The following CDYL variants were observed in gnomAD, a reference collection of about 807,000 sequenced individuals.
CDYL encodes the protein chromodomain Y-like protein.
Under a neutral mutation model 47.3 loss-of-function variants are expected in CDYL, and 8 were observed. The observed-to-expected ratio is 0.17, with a 90% CI of 0.10 to 0.31. CDYL has a LOEUF of 0.31. Among genes scored for constraint, CDYL ranks in the 10% least tolerant of loss-of-function variants. The pLI, the probability that CDYL is intolerant of heterozygous loss-of-function variation, is 1.00. For synonymous variants in CDYL, 266 were observed against 265.0 expected, an observed-to-expected ratio of 1.00 and a Z score of -0.04; for missense variants, 471 against 701.4, an observed-to-expected ratio of 0.67 and a Z score of 3.71.
chr6:4,881,607 T>C (rs1761763980), intron 1 of CDYL, among the ~76,000 whole-genome samples: 1 of 152,248 alleles, frequency 6.6e-6, no homozygotes, highest in Non-Finnish European at 1.5e-5. Flanking sequence ...GTTTTCTTAT[T>C]TGTGCTATTG....
upstream of CDYL, among the ~76,000 whole-genome samples, chr6:4,771,623 T>C (rs892680711): frequency 2.6e-5 from 4 of 152,256 alleles, no homozygotes; most frequent in Non-Finnish European, 4.4e-5. Flanking sequence ...GGGATAATTC[T>C]GGGTTCCCCC....
intron 1 of CDYL, among the ~76,000 whole-genome samples, chr6:4,786,255 A>T (rs192025194): frequency 6.6e-6 from 1 of 152,242 alleles, no homozygotes. Flanking sequence ...TAGTCCATAC[A>T]ATTTTTGGGA....
chr6:4,741,936 C>T (rs187914848), intron 3 of CDYL, among the ~76,000 whole-genome samples: 1 of 152,098 alleles, frequency 6.6e-6, no homozygotes, highest in South Asian at 2.1e-4. Flanking sequence ...GTGATGTGCT[C>T]GATCATGTCT....
intron 2 of CDYL, among the ~76,000 whole-genome samples, chr6:4,903,510 A>G (rs1209958119): frequency 2.0e-5 from 3 of 152,220 alleles, no homozygotes; most frequent in Admixed American, 6.5e-5. Context: ...AAATCTACTT[A>G]AAGGGTTCAT....
chr6:4,931,792 G>T (rs1758040317), intron 2 of CDYL, among the ~76,000 whole-genome samples: 1 of 152,152 alleles, frequency 6.6e-6, no homozygotes, highest in Admixed American at 6.5e-5. Flanking sequence ...GACCTCACTG[G>T]CACGAGGAGC....
At chr6:4,930,687 T>G (rs1758007049) in intron 2 of CDYL, among the ~76,000 whole-genome samples, 1 of 152,244 alleles carries the variant, frequency 6.6e-6, no homozygotes, top group Non-Finnish European at 1.5e-5. Context: ...TTGCAGTTTT[T>G]GAAGCAGTGA....
chr6:4,900,402 C>T (rs76441862), intron 2 of CDYL, among the ~76,000 whole-genome samples: 3,602 of 152,206 alleles, frequency 0.024, 149 homozygotes, highest in African/African-American at 0.082. Flanking sequence ...CATTTTGCCT[C>T]ATTTACTTTC....
chr6:4,813,796 A>G (rs1759593765), intron 1 of CDYL, among the ~76,000 whole-genome samples: 1 of 152,140 alleles, frequency 6.6e-6, no homozygotes, highest in Non-Finnish European at 1.5e-5. Context: ...TTTTCAAGAC[A>G]GGATCTTGCT....
At chr6:4,763,614 G>A (rs886691146) in intron 3 of CDYL, among the ~76,000 whole-genome samples, 6 of 152,272 alleles carry the variant, frequency 3.9e-5, no homozygotes, top group Admixed American at 2.6e-4. Flanking sequence ...GGAATATATG[G>A]CTTTCCAGGT....
intron 3 of CDYL, among the ~76,000 whole-genome samples, chr6:4,749,717 C>T (rs2127419562): frequency 6.6e-6 from 1 of 152,172 alleles, no homozygotes; most frequent in Admixed American, 6.5e-5. Flanking sequence ...CATCGGAAAC[C>T]TAAGACATGG....
chr6:4,715,833 T>C, exon 2 of CDYL: 4 of 1,614,124 alleles, frequency 2.5e-6, no homozygotes, highest in Non-Finnish European at 3.4e-6. Context: ...GAAGAAAAAC[T>C]GGCAATACGA....
intron 1 of CDYL, among the ~76,000 whole-genome samples, chr6:4,828,163 T>C (rs1419589199): frequency 6.6e-6 from 1 of 152,124 alleles, no homozygotes; most frequent in Non-Finnish European, 1.5e-5. Context: ...CAGCTTTTAT[T>C]TATCTGGGAA....
At chr6:4,942,705 A>G (rs534701836) in intron 4 of CDYL, among the ~76,000 whole-genome samples, 2 of 152,350 alleles carry the variant, frequency 1.3e-5, no homozygotes, top group African/African-American at 4.8e-5. Context: ...GCTACCCTAC[A>G]TTGAAAAGCA....
At chr6:4,948,674 C>T (rs1290801971) in intron 5 of CDYL, among the ~76,000 whole-genome samples, 1 of 152,138 alleles carries the variant, frequency 6.6e-6, no homozygotes, top group African/African-American at 2.4e-5. Context: ...CTGCATGTAG[C>T]CCCCACAGGA....
chr6:4,768,834 G>A (rs9504247), intron 3 of CDYL, among the ~76,000 whole-genome samples: 32,670 of 152,064 alleles, frequency 0.21, 5,637 homozygotes, highest in African/African-American at 0.48. Context: ...GTCAACATCA[G>A]CAGTGAAGTC....
chr6:4,756,580 A>ATG (rs4053260), intron 3 of CDYL, among the ~76,000 whole-genome samples: 15,696 of 142,772 alleles, frequency 0.11, 856 homozygotes, highest in Non-Finnish European at 0.15. Context: ...TATCGTGTGT[A>ATG]TGTGTGTGTG....
At chr6:4,827,895 TC>T (rs1760023361) in intron 1 of CDYL, among the ~76,000 whole-genome samples, 1 of 152,202 alleles carries the variant, frequency 6.6e-6, no homozygotes, top group South Asian at 2.1e-4. Context: ...CCTTAAGTGA[TC>T]CGCCCACCTC....
intron 1 of CDYL, 37 bp downstream of exon 1, chr6:4,776,844 C>G (rs1184337397): frequency 3.8e-5 from 30 of 790,422 alleles, no homozygotes; most frequent in South Asian, 1.1e-4. Context: ...CCGCCCCCCG[C>G]CCGCCGCCCC....
At chr6:4,843,689 TTATG>T (rs1760570689) in intron 1 of CDYL, among the ~76,000 whole-genome samples, 2 of 152,106 alleles carry the variant, frequency 1.3e-5, no homozygotes, top group Non-Finnish European at 1.5e-5. Context: ...TATTTTTTAT[TTATG>T]CTATTTATTT....
Sources: gnomAD v4.1 joint callset for allele counts (sites outside exome capture counted in the v4.1 genomes callset) on GRCh38, gnomAD v4.1.1 for gene constraint, MANE v1.5 for transcripts, NCBI Gene and HGNC (gene_info 2026-07-23, HGNC 2026-07-21) for gene names.